The following ATP6V1C1 variants were observed in gnomAD, a reference collection of about 807,000 sequenced individuals.
ATP6V1C1 encodes the protein ATPase H+ transporting V1 subunit C1, also known as V-type proton ATPase subunit C 1.
ATP6V1C1 carries 45 observed loss-of-function variants against 53.9 expected under a neutral mutation model. The ratio of observed to expected loss-of-function variants is 0.83; its 90% confidence interval spans 0.66 to 1.07. ATP6V1C1 has a LOEUF of 1.07. Among genes scored for constraint, ATP6V1C1 ranks in the 50% least tolerant of loss-of-function variants. The pLI, the probability that ATP6V1C1 is intolerant of heterozygous loss-of-function variation, is 0.00. For missense variants in ATP6V1C1, 315 were observed against 440.3 expected (o/e 0.72, Z 2.55); for synonymous variants, 153 against 155.2 (o/e 0.99, Z 0.11).
Position 103,049,144 on chromosome 8 carries a change from C to T in ATP6V1C1, c.286+189C>T, listed in dbSNP as rs538238653. On this transcript the variant is annotated intron_variant, in intron 4 of 12. Transcript: ENST00000518738. ...TACATCCTGTTCCCTGAAACATAAT[C>T]TCATAGAAGACAGTCTTACATAATA... is the stretch of plus-strand genomic sequence containing the variant. 6.7e-4 allele frequency among the ~76,000 whole-genome samples: 102 copies of T among 152,310 alleles called. 4 individuals carry two copies. Among genetic ancestry groups the T allele is most frequent in the Admixed American group, 5.7e-3 (87 of 15,300 alleles).
chr8:103,059,148 G>A lies in ATP6V1C1; in HGVS notation c.641+3212G>A, dbSNP rs560199800. Among the ~76,000 whole-genome samples, 5 of 152,282 alleles carry A rather than the reference G, an allele frequency of 3.3e-5. No homozygotes were observed. The East Asian group carries it at 9.7e-4, about 29-fold the overall frequency. Reference sequence around the variant, plus strand: ...CTGGAGTCCCCAGTGAAGCAGAGGAGCCTAGCTAAGAAGTGCAGGAAGAAT... The same window carrying A: ...CTGGAGTCCCCAGTGAAGCAGAGGAACCTAGCTAAGAAGTGCAGGAAGAAT... On this transcript the variant is annotated intron_variant, in intron 8 of 12. Coordinates refer to ENST00000518738, the MANE Select transcript of ATP6V1C1 (RefSeq NM_001695.5).
chr8:103,034,496 G>C (rs1406081377), intron 1 of ATP6V1C1, among the ~76,000 whole-genome samples: 1 of 151,798 alleles, frequency 6.6e-6, no homozygotes, highest in African/African-American at 2.4e-5. Context: ...GATGAATAAA[G>C]ACATACATAT....
intron 3 of ATP6V1C1, among the ~76,000 whole-genome samples, chr8:103,045,825 C>T (rs1420345202): frequency 1.3e-5 from 2 of 152,066 alleles, no homozygotes; most frequent in Non-Finnish European, 2.9e-5. Context: ...CCTGTAGTCC[C>T]AGCTACTCGG....
intron 3 of ATP6V1C1, among the ~76,000 whole-genome samples, chr8:103,044,861 A>G (rs956017385): frequency 1.3e-5 from 2 of 152,156 alleles, no homozygotes; most frequent in African/African-American, 4.8e-5. Flanking sequence ...TGAACATCGG[A>G]TGTTACTCCA....
At chr8:103,058,326 T>C (rs1016903835) in intron 8 of ATP6V1C1, among the ~76,000 whole-genome samples, 2 of 152,216 alleles carry the variant, frequency 1.3e-5, no homozygotes, top group African/African-American at 4.8e-5. Flanking sequence ...CAGTTCAAAG[T>C]ACATTTGGAA....
chr8:103,049,389 T>C (rs950580639), intron 4 of ATP6V1C1, among the ~76,000 whole-genome samples: 3 of 152,232 alleles, frequency 2.0e-5, no homozygotes, highest in African/African-American at 7.2e-5. Context: ...TTATTAATTT[T>C]ATTGCAGAAT....
intron 3 of ATP6V1C1, among the ~76,000 whole-genome samples, chr8:103,046,971 A>G (rs1817108617): frequency 6.6e-6 from 1 of 152,188 alleles, no homozygotes; most frequent in Non-Finnish European, 1.5e-5. Context: ...CTATGGGTAA[A>G]CATGCAACAT....
intron 9 of ATP6V1C1, 34 bp from the exon 10 acceptor site, chr8:103,063,099 ATG>A (rs1817431656): frequency 6.2e-7 from 1 of 1,610,298 alleles, no homozygotes; most frequent in Non-Finnish European, 8.5e-7. Flanking sequence ...GCTGTATACA[ATG>A]TGAACAATTT....
Position 103,023,795 on chromosome 8 carries a change from C to G in ATP6V1C1, c.-40+2570C>G, listed in dbSNP as rs148485842. On this transcript the variant is annotated intron_variant, in intron 1 of 12. Coordinates refer to ENST00000518738, the MANE Select transcript of ATP6V1C1 (RefSeq NM_001695.5). ...CGGAGTAACTGCCACAGTTTTCTGA[C>G]TGCTGATGTATTCCTGCTGATTACC... is the stretch of plus-strand genomic sequence containing the variant. Among the ~76,000 whole-genome samples the G allele has an allele frequency of 7.4e-3, 1,119 of 152,242 alleles. 19 individuals are homozygous for G. The highest frequency in any genetic ancestry group is 0.026 in the African/African-American group (1,075 of 41,554).
At chr8:103,025,105 T>C (rs1367260928) in intron 1 of ATP6V1C1, among the ~76,000 whole-genome samples, 2 of 152,072 alleles carry the variant, frequency 1.3e-5, no homozygotes, top group Non-Finnish European at 2.9e-5. Context: ...GCTAGGTAAG[T>C]GATGTTTTAT....
At position 103,032,559 on chromosome 8, in the gene ATP6V1C1, C is replaced by T. The variant is rs111356868; in HGVS notation, c.-39-8239C>T. Among the ~76,000 whole-genome samples the T allele has an allele frequency of 5.4e-3, 821 of 152,130 alleles. 12 individuals are homozygous for T. Among genetic ancestry groups the T allele is most frequent in the Middle Eastern group, 0.031 (9 of 294 alleles). ...AGTGCAGTGGCATGGCTCACTGCAA[C>T]CTCCACCTTTTGGGTTCAAGCAATT... On this transcript the variant is annotated intron_variant, in intron 1 of 12. Coordinates refer to ENST00000518738, the MANE Select transcript of ATP6V1C1 (RefSeq NM_001695.5).
intron 1 of ATP6V1C1, chr8:103,021,445 G>A (rs1816585514): frequency 6.6e-6 from 1 of 152,288 alleles, no homozygotes; most frequent in South Asian, 2.1e-4. Flanking sequence ...AAGAGAAAGA[G>A]CTCTCGTGGG....
At chr8:103,028,886 C>A (rs1036828778) in intron 1 of ATP6V1C1, among the ~76,000 whole-genome samples, 2 of 152,184 alleles carry the variant, frequency 1.3e-5, no homozygotes, top group Non-Finnish European at 2.9e-5. Context: ...TTTGTATGAA[C>A]TCCAGGGCTC....
At chr8:103,028,664 G>A (rs1816739658) in intron 1 of ATP6V1C1, among the ~76,000 whole-genome samples, 1 of 152,180 alleles carries the variant, frequency 6.6e-6, no homozygotes, top group African/African-American at 2.4e-5. Flanking sequence ...TTTTACAAGT[G>A]AAGACATTTA....
chr8:103,048,436 G>T (rs1817143593), intron 3 of ATP6V1C1, among the ~76,000 whole-genome samples: 3 of 152,246 alleles, frequency 2.0e-5, no homozygotes, highest in African/African-American at 7.2e-5. Context: ...ACGTTCTCTT[G>T]CCTGTCAGGT....
Position 103,063,173 on chromosome 8 carries a change from T to A in ATP6V1C1, c.773T>A (p.Met258Lys). Residue 258 changes from methionine (M) to lysine (K), a missense_variant, in exon 10 of 13, where the codon ATG (methionine) becomes AAG (lysine). By Grantham distance (95) the Met-to-Lys change is moderately conservative (BLOSUM62 -1). Transcript: ENST00000518738. Reference sequence around the variant, plus strand: ...GACTTCCAGTATAATGAAGAGGAGATGAAAGCAGATAAAGAAGAAATGAAC... The same window carrying A: ...GACTTCCAGTATAATGAAGAGGAGAAGAAAGCAGATAAAGAAGAAATGAAC... ...VRDFQYNEEE[M>K]KADKEEMNRL... 3 of 1,613,052 alleles carry A rather than the reference T, an allele frequency of 1.9e-6. No homozygotes were observed. The highest frequency in any genetic ancestry group is 2.5e-6 in the Non-Finnish European group (3 of 1,179,604).
At chr8:103,036,517 T>C (rs1586311909) in intron 1 of ATP6V1C1, among the ~76,000 whole-genome samples, 1 of 152,326 alleles carries the variant, frequency 6.6e-6, no homozygotes, top group Non-Finnish European at 1.5e-5. Flanking sequence ...CAAGACTCCA[T>C]CTCTACAAAA....
chr8:103,054,264 T>TA (rs778468391), intron 7 of ATP6V1C1, among the ~76,000 whole-genome samples: 1 of 152,076 alleles, frequency 6.6e-6, no homozygotes, highest in Non-Finnish European at 1.5e-5. Context: ...ATTGATTGTT[T>TA]AAAAAATACA....
intron 8 of ATP6V1C1, among the ~76,000 whole-genome samples, chr8:103,059,687 T>C (rs1817359053): frequency 6.6e-6 from 1 of 152,092 alleles, no homozygotes; most frequent in Non-Finnish European, 1.5e-5. Context: ...CAAGACCCAC[T>C]GCCACTGCTC....
Sources: gnomAD v4.1 joint callset for allele counts (sites outside exome capture counted in the v4.1 genomes callset) on GRCh38, gnomAD v4.1.1 for gene constraint, MANE v1.5 for transcripts, NCBI Gene and HGNC (gene_info 2026-07-23, HGNC 2026-07-21) for gene names.